The following FAM13B variants were observed in gnomAD, a reference collection of about 807,000 sequenced individuals.
The protein encoded by FAM13B is family with sequence similarity 13 member B.
A neutral mutation model predicts 117.3 loss-of-function variants in FAM13B; 60 were observed. The ratio of observed to expected loss-of-function variants is 0.51; its 90% confidence interval spans 0.42 to 0.63. FAM13B has a LOEUF of 0.63. FAM13B is among the 30% of genes least tolerant of loss of function. FAM13B has a pLI of 0.00. For synonymous variants in FAM13B, 332 were observed against 356.1 expected, an observed-to-expected ratio of 0.93 and a Z score of 0.76; for missense variants, 972 against 1,091.9, an observed-to-expected ratio of 0.89 and a Z score of 1.55.
chr5:138,025,465 TC>T, intron 1 of FAM13B, among the ~76,000 whole-genome samples: 1 of 151,706 alleles, frequency 6.6e-6, no homozygotes, highest in East Asian at 1.9e-4. Context: ...GAGTCACTAC[TC>T]CCGGCTCAGA....
upstream of FAM13B, chr5:138,052,002 G>A (rs893694163): frequency 6.6e-6 from 1 of 152,080 alleles, no homozygotes; most frequent in Admixed American, 6.6e-5. Context: ...AGGCAAACTT[G>A]GCTGCCTATT....
At chr5:137,991,897 G>A (rs1176316598) in intron 7 of FAM13B, among the ~76,000 whole-genome samples, 1 of 152,112 alleles carries the variant, frequency 6.6e-6, no homozygotes, top group Non-Finnish European at 1.5e-5. Flanking sequence ...AACCACAGGA[G>A]GAAAAGAGTG....
intron 4 of FAM13B, among the ~76,000 whole-genome samples, chr5:138,015,133 C>A (rs1784950099): frequency 6.6e-6 from 1 of 152,156 alleles, no homozygotes; most frequent in African/African-American, 2.4e-5. Flanking sequence ...GAAGACAGTG[C>A]CTTTGGTAGA....
chr5:137,953,402 C>G lies in FAM13B; in HGVS notation c.1782G>C (p.Leu594=), dbSNP rs371277837. Residue 594 remains leucine (L), a synonymous_variant, in exon 16 of 24, where the codon CTG becomes CTC. Coordinates refer to ENST00000689681, the MANE Select transcript of FAM13B (RefSeq NM_001385994.1). ...TGATTTTCTTCTGAAGTTTCTTGAC[C>G]AGCTGATAAGGTGTTCTGTCCTCTC... ...EKREDRTPYQ[L]VKKLQKKIRQ... 8 of 1,613,704 alleles carry G rather than the reference C, an allele frequency of 5.0e-6. No homozygotes were observed. The African/African-American group carries it at 1.1e-4, about 22-fold the overall frequency.
chr5:137,955,884 G>A (rs1269598818), intron 14 of FAM13B, among the ~76,000 whole-genome samples: 8 of 152,028 alleles, frequency 5.3e-5, no homozygotes, highest in African/African-American at 9.7e-5. Flanking sequence ...CGCCTGCCTC[G>A]GCCTCCCAAA....
intron 10 of FAM13B, among the ~76,000 whole-genome samples, chr5:137,976,636 T>C (rs1774092754): frequency 6.6e-6 from 1 of 152,154 alleles, no homozygotes; most frequent in Admixed American, 6.5e-5. Context: ...CATTTATTAG[T>C]TCCCCAAATT....
upstream of FAM13B, chr5:138,033,180 G>T (rs865859762): frequency 4.3e-6 from 2 of 466,804 alleles, no homozygotes; most frequent in African/African-American, 2.1e-5. Context: ...ACAGCATTCC[G>T]GGCAGCGGCC....
At chr5:137,941,715 G>C (rs780596921) in intron 23 of FAM13B, among the ~76,000 whole-genome samples, 29 of 152,140 alleles carry the variant, frequency 1.9e-4, no homozygotes, top group Admixed American at 1.8e-3. Flanking sequence ...TACAACCAAG[G>C]CTCCCTAGGA....
Position 137,968,591 on chromosome 5 carries a change from T to C in FAM13B, c.1180-6122A>G, listed in dbSNP as rs192732149. On this transcript the variant is annotated intron_variant, in intron 10 of 23. Coordinates refer to ENST00000689681, the MANE Select transcript of FAM13B (RefSeq NM_001385994.1). ...CAGCTTTGAAACATTAAAAAGCAAT[T>C]TGTGGGGGGAGGAGCCAAGATGGCC... Among the ~76,000 whole-genome samples, 15 of 151,840 alleles carry C rather than the reference T, an allele frequency of 9.9e-5. No individual in the cohort carries two copies. In the East Asian group the frequency reaches 1.6e-3, roughly 16 times the overall value.
In FAM13B at chr5:137,938,316, A is replaced by G. The variant is rs569936919; in HGVS notation, c.*1909T>C. The G allele has an allele frequency of 6.5e-6, 1 of 152,756 alleles. No individual in the cohort carries two copies. Among genetic ancestry groups the G allele is most frequent in the South Asian group, 2.1e-4 (1 of 4,822 alleles). 9.5% of individuals were successfully genotyped at this position (152,756 alleles called of 1,614,324 possible). ...CTCATATAGATTTAGCATTATAAAG[A>G]AGGAATATATTATTTAAAACATTTA... On this transcript the variant is annotated 3_prime_UTR_variant, in exon 24 of 24. Transcript: ENST00000689681.
chr5:137,982,208 G>A (rs994547216), intron 10 of FAM13B, among the ~76,000 whole-genome samples: 2 of 152,126 alleles, frequency 1.3e-5, no homozygotes, highest in African/African-American at 2.4e-5. Context: ...CAGGTGAGAG[G>A]ATGGCAGTAG....
intron 10 of FAM13B, among the ~76,000 whole-genome samples, chr5:137,982,094 G>A (rs762692732): frequency 2.0e-4 from 31 of 152,146 alleles, no homozygotes; most frequent in Non-Finnish European, 4.3e-4. Context: ...GAAGAGAAGT[G>A]GCATTATCTA....
At position 137,954,191 on chromosome 5, in the gene FAM13B, A is replaced by G. The variant is rs750699948; in HGVS notation, c.1693T>C (p.Ser565Pro). Residue 565 changes from serine to proline, a missense_variant, in exon 15 of 24, where the codon TCA becomes CCA. Physicochemically the swap from Ser to Pro is moderately conservative, Grantham distance 74. Transcript: ENST00000689681. ...FLHDPEKLDS[S>P]SKALSFTRIR... Reference sequence around the variant, plus strand: ...CTAGTAAAAGACAGTGCTTTAGATGAGGAATCCAACTTTTCTGGATCATGT... The same window carrying G: ...CTAGTAAAAGACAGTGCTTTAGATGGGGAATCCAACTTTTCTGGATCATGT... 1 of 1,614,052 alleles carries G rather than the reference A, an allele frequency of 6.2e-7. No homozygotes were observed. Among genetic ancestry groups the G allele is most frequent in the Non-Finnish European group, 8.5e-7 (1 of 1,179,974 alleles).
At chr5:137,988,674 G>A (rs1777850900) in intron 7 of FAM13B, among the ~76,000 whole-genome samples, 1 of 152,134 alleles carries the variant, frequency 6.6e-6, no homozygotes, top group Non-Finnish European at 1.5e-5. Flanking sequence ...GCTCAAAGAT[G>A]TTAATTAACT....
intron 10 of FAM13B, among the ~76,000 whole-genome samples, chr5:137,983,653 G>A (rs1776450286): frequency 6.6e-6 from 1 of 152,158 alleles, no homozygotes. Flanking sequence ...CTGAAAAGCT[G>A]TTCATCTAAT....
chr5:137,949,127 T>C lies in FAM13B; in HGVS notation c.1988A>G (p.Asn663Ser), dbSNP rs1764216801. The stretch of plus-strand genomic sequence containing the variant: ...AGAGCCAAAGCTTTTTGGAAGTGTG[T>C]TACTACGTGGACGTGTCTGAGGTAC... Reference protein sequence around the residue: ...EFVPQTRPRSNTLPKSFGSSL... With the variant: ...EFVPQTRPRSSTLPKSFGSSL... Residue 663 changes from asparagine (N) to serine (S), a missense_variant, in exon 18 of 24, where the codon AAC (asparagine) becomes AGC (serine). Coordinates refer to ENST00000689681, the MANE Select transcript of FAM13B (RefSeq NM_001385994.1). 6.2e-7 allele frequency: 1 copy of C among 1,614,066 alleles called. No individual in the cohort carries two copies. Among genetic ancestry groups the C allele is most frequent in the South Asian group, 1.1e-5 (1 of 91,090 alleles).
At chr5:137,953,666 G>C (rs779313060) in intron 15 of FAM13B, among the ~76,000 whole-genome samples, 5 of 152,172 alleles carry the variant, frequency 3.3e-5, no homozygotes, top group Non-Finnish European at 7.3e-5. Context: ...GATGAAAACA[G>C]TTTGGAATCA....
At chr5:137,976,102 G>A (rs1022253422) in intron 10 of FAM13B, among the ~76,000 whole-genome samples, 5 of 150,600 alleles carry the variant, frequency 3.3e-5, no homozygotes, top group African/African-American at 7.3e-5. Context: ...GACTACAGGC[G>A]CCTGCCACCA....
intron 1 of FAM13B, among the ~76,000 whole-genome samples, chr5:138,049,702 C>T (rs1414517784): frequency 6.6e-6 from 1 of 152,210 alleles, no homozygotes; most frequent in Admixed American, 6.5e-5. Context: ...TTTTCTCACT[C>T]GGATATTGTC....
Sources: gnomAD v4.1 joint callset for allele counts (sites outside exome capture counted in the v4.1 genomes callset) on GRCh38, gnomAD v4.1.1 for gene constraint, MANE v1.5 for transcripts, NCBI Gene and HGNC (gene_info 2026-07-23, HGNC 2026-07-21) for gene names.